MMP26: variants seen among roughly 807,000 people sequenced by gnomAD.
The protein encoded by MMP26 is matrix metallopeptidase 26.
MMP26 carries 33 observed loss-of-function variants against 31.0 expected under a neutral mutation model. That is an observed-to-expected ratio of 1.06 (90% CI 0.81 to 1.42). The LOEUF is 1.42. Ranked by LOEUF, MMP26 falls within the 40% of genes most tolerant of loss-of-function variation. The probability of loss-of-function intolerance (pLI) is 0.00; values close to 1 mark genes in which losing one functional copy is unlikely to be tolerated. For missense variants in MMP26, 347 were observed against 316.1 expected (o/e 1.10, Z -0.74); for synonymous variants, 122 against 114.9 (o/e 1.06, Z -0.40).
At chr11:4,722,637 G>C (rs1848029993) in intron 1 of MMP26, 5 of 638,916 alleles carry the variant, frequency 7.8e-6, no homozygotes, top group Non-Finnish European at 1.1e-5. Flanking sequence ...AGCCTCAGGT[G>C]GGTCCCCTGT....
intron 2 of MMP26, among the ~76,000 whole-genome samples, chr11:4,972,014 T>G (rs1395375208): frequency 2.6e-5 from 4 of 151,992 alleles, no homozygotes; most frequent in African/African-American, 7.3e-5. Context: ...ATCTCCAACA[T>G]TGGGGATTAA....
chr11:4,927,538 A>C (rs1290156777), intron 2 of MMP26, among the ~76,000 whole-genome samples: 3 of 152,160 alleles, frequency 2.0e-5, no homozygotes, highest in African/African-American at 7.2e-5. Context: ...CAAACAGCTA[A>C]GACTGAGAGC....
intron 2 of MMP26, among the ~76,000 whole-genome samples, chr11:4,825,349 A>G (rs897527601): frequency 6.6e-6 from 1 of 152,140 alleles, no homozygotes; most frequent in African/African-American, 2.4e-5. Flanking sequence ...AGATCTGTCA[A>G]ACCTGAGCAG....
chr11:4,737,591 C>T lies in MMP26; in HGVS notation c.-216-29679C>T, dbSNP rs563034050. On this transcript the variant is annotated intron_variant, in intron 1 of 7. Transcript: ENST00000380390. ...CCGGGAGGCGGAGGTTGCGGTGAGCCGAGATCACGCCTTTGCACTCCAGCT... is the reference window on the plus strand; with the variant it reads ...CCGGGAGGCGGAGGTTGCGGTGAGCTGAGATCACGCCTTTGCACTCCAGCT... Among the ~76,000 whole-genome samples the T allele has an allele frequency of 8.5e-5, 13 of 152,234 alleles. No individual in the cohort carries two copies. In the South Asian group the frequency reaches 1.9e-3, roughly 22 times the overall value.
chr11:4,763,711 A>G (rs964016692), intron 1 of MMP26, among the ~76,000 whole-genome samples: 1 of 152,212 alleles, frequency 6.6e-6, no homozygotes, highest in Non-Finnish European at 1.5e-5. Context: ...GTTTTGGCTA[A>G]TGGGTTTCTT....
At chr11:4,839,902 G>GGAT (rs949307775) in intron 2 of MMP26, among the ~76,000 whole-genome samples, 4 of 151,774 alleles carry the variant, frequency 2.6e-5, no homozygotes, top group Admixed American at 2.6e-4. Flanking sequence ...TTTGACTCTT[G>GGAT]GATGGCATTT....
chr11:4,941,680 A>G (rs1472372206), intron 2 of MMP26, among the ~76,000 whole-genome samples: 1 of 152,126 alleles, frequency 6.6e-6, no homozygotes, highest in African/African-American at 2.4e-5. Flanking sequence ...TACATTTTCT[A>G]TTAGATGGAA....
At chr11:4,969,419 G>T (rs1273513265) in intron 2 of MMP26, among the ~76,000 whole-genome samples, 2 of 151,958 alleles carry the variant, frequency 1.3e-5, no homozygotes. Context: ...CATTAAGGTT[G>T]CAAGTTACTA....
intron 2 of MMP26, chr11:4,944,227 C>T (rs1846260381): frequency 2.7e-6 from 1 of 368,974 alleles, no homozygotes; most frequent in African/African-American, 2.2e-5. Flanking sequence ...ATACGTAGTC[C>T]TGAATTTAAA....
At chr11:4,980,422 G>A (rs1413166089) in intron 2 of MMP26, among the ~76,000 whole-genome samples, 3 of 152,068 alleles carry the variant, frequency 2.0e-5, no homozygotes, top group Admixed American at 1.3e-4. Context: ...AACATTACAT[G>A]AAGGTCTTTT....
chr11:4,795,847 AGAG>A (rs1220347033), intron 2 of MMP26, among the ~76,000 whole-genome samples: 7 of 96,422 alleles, frequency 7.3e-5, no homozygotes, highest in Non-Finnish European at 1.2e-4. Flanking sequence ...AGAGAGGGAG[AGAG>A]AGAGAGAGAG....
At chr11:4,946,144 T>C (rs770649693) in intron 2 of MMP26, 8 of 1,606,494 alleles carry the variant, frequency 5.0e-6, no homozygotes, top group East Asian at 2.2e-5. Context: ...CCAGGTTTTC[T>C]GTCACATATG....
At chr11:4,812,048 A>C (rs1339706969) in intron 2 of MMP26, among the ~76,000 whole-genome samples, 5 of 152,184 alleles carry the variant, frequency 3.3e-5, no homozygotes, top group Admixed American at 3.3e-4. Context: ...TTGAGAGCCC[A>C]ATAAAGGTTG....
intron 1 of MMP26, chr11:4,723,162 C>G: frequency 6.3e-7 from 1 of 1,599,138 alleles, no homozygotes; most frequent in South Asian, 1.1e-5. Context: ...GCCAGCTCCC[C>G]ACGCTGCTCG....
chr11:4,744,597 T>C (rs1013853987), intron 1 of MMP26, among the ~76,000 whole-genome samples: 7 of 152,192 alleles, frequency 4.6e-5, no homozygotes, highest in Admixed American at 2.0e-4. Flanking sequence ...CTCAGCCCTA[T>C]GAGGATCATT....
chr11:4,819,674 C>T (rs977658845), intron 2 of MMP26, among the ~76,000 whole-genome samples: 3 of 136,168 alleles, frequency 2.2e-5, no homozygotes, highest in African/African-American at 5.5e-5. Context: ...GACTTCTGAG[C>T]TCAAGAAATT....
chr11:4,748,027 T>TA (rs1450284623), intron 1 of MMP26, among the ~76,000 whole-genome samples: 6 of 150,360 alleles, frequency 4.0e-5, no homozygotes, highest in South Asian at 2.1e-4. Context: ...TTTGAAAAAA[T>TA]AAAAAAACTG....
intron 1 of MMP26, among the ~76,000 whole-genome samples, chr11:4,716,805 G>T (rs753652015): frequency 6.6e-6 from 1 of 151,812 alleles, no homozygotes; most frequent in Admixed American, 6.6e-5. Context: ...GGGATTACAC[G>T]TGTGTGCCAA....
intron 2 of MMP26, chr11:4,923,765 G>A (rs752792157): frequency 6.2e-7 from 1 of 1,614,096 alleles, no homozygotes; most frequent in Non-Finnish European, 8.5e-7. Context: ...AATGATGCTA[G>A]AGCAGGCCAG....
Sources: allele counts gnomAD v4.1 joint callset (sites outside exome capture counted in the v4.1 genomes callset), GRCh38; gene constraint gnomAD v4.1.1; transcripts MANE v1.5; gene names NCBI Gene and HGNC (gene_info 2026-07-23, HGNC 2026-07-21).